Variants in SUMF1 observed in about 807,000 individuals in gnomAD.
The protein encoded by SUMF1 is sulfatase modifying factor 1.
In SUMF1, 48 loss-of-function variants were observed where a neutral mutation model predicts 47.6. That is an observed-to-expected ratio of 1.01 (90% CI 0.80 to 1.28). The LOEUF (loss-of-function observed/expected upper bound fraction) is 1.28. Among genes scored for constraint, SUMF1 ranks in the 50% most tolerant of loss-of-function variants. SUMF1 has a pLI of 0.00. For synonymous variants in SUMF1, 230 were observed against 192.1 expected, an observed-to-expected ratio of 1.20 and a Z score of -1.63; for missense variants, 571 against 485.4, an observed-to-expected ratio of 1.18 and a Z score of -1.66.
At chr3:4,226,440 T>C (rs954260679) in intron 8 of SUMF1, among the ~76,000 whole-genome samples, 2 of 151,766 alleles carry the variant, frequency 1.3e-5, no homozygotes, top group Admixed American at 6.6e-5. Context: ...CAGCTAATTT[T>C]TGTCTTTTTA....
At chr3:4,273,510 CGG>C (rs1697344912) in intron 8 of SUMF1, among the ~76,000 whole-genome samples, 1 of 151,576 alleles carries the variant, frequency 6.6e-6, no homozygotes, top group African/African-American at 2.4e-5. Context: ...AGGCTGAAGG[CGG>C]AAACAGAGGA....
At chr3:4,152,053 T>C (rs982215911) in intron 8 of SUMF1, among the ~76,000 whole-genome samples, 4 of 151,492 alleles carry the variant, frequency 2.6e-5, no homozygotes, top group Non-Finnish European at 5.9e-5. Flanking sequence ...CACATCAATA[T>C]CTAAATAACC....
chr3:4,463,355 T>G (rs1018581589), intron 1 of SUMF1, among the ~76,000 whole-genome samples: 1 of 152,194 alleles, frequency 6.6e-6, no homozygotes, highest in Admixed American at 6.5e-5. Flanking sequence ...CCAGGCGTGG[T>G]GGCAGGTGCC....
Position 4,449,280 on chromosome 3 carries a change from T to C in SUMF1, c.505A>G (p.Asn169Asp). 6.2e-7 allele frequency: 1 copy of C among 1,614,182 alleles called. No individual in the cohort carries two copies. The highest frequency in any genetic ancestry group is 8.5e-7 in the Non-Finnish European group (1 of 1,180,002). ...EGMLSEQVKT[N>D]IQQAVAAAPW... ...ACATTACTTACTGCCTGTTGAATAT[T>C]GGTCTTCACTTGCTCACTCAACATG... The change falls in exon 3 of 9, where the codon AAT becomes GAT. Residue 169 changes from asparagine (N) to aspartate (D), a missense_variant. Coordinates refer to ENST00000272902, the MANE Select transcript of SUMF1 (RefSeq NM_182760.4).
intron 8 of SUMF1, among the ~76,000 whole-genome samples, chr3:4,081,359 G>T (rs1271294430): frequency 1.3e-5 from 2 of 151,672 alleles, no homozygotes; most frequent in East Asian, 3.8e-4. Flanking sequence ...TACTCAGATG[G>T]GCTTCCTGAG....
chr3:4,354,654 T>A (rs1408037711), intron 8 of SUMF1, among the ~76,000 whole-genome samples: 1 of 152,008 alleles, frequency 6.6e-6, no homozygotes, highest in African/African-American at 2.4e-5. Context: ...GATATGGGGG[T>A]CAAGGTTAAG....
At chr3:4,315,954 C>T (rs1195204307) in intron 8 of SUMF1, among the ~76,000 whole-genome samples, 3 of 146,868 alleles carry the variant, frequency 2.0e-5, no homozygotes, top group Admixed American at 1.4e-4. Context: ...GGCTGAGGTA[C>T]GAGAATCACT....
intron 8 of SUMF1, among the ~76,000 whole-genome samples, chr3:4,118,709 A>C (rs921811989): frequency 6.6e-6 from 1 of 152,104 alleles, no homozygotes; most frequent in Non-Finnish European, 1.5e-5. Context: ...ATGCTACTTG[A>C]GAAGTATGTA....
intron 7 of SUMF1, among the ~76,000 whole-genome samples, chr3:4,409,136 G>A (rs1425971378): frequency 6.6e-6 from 1 of 152,122 alleles, no homozygotes; most frequent in Non-Finnish European, 1.5e-5. Flanking sequence ...AGGGAAGGCA[G>A]GGAGCCCTCT....
intron 8 of SUMF1, among the ~76,000 whole-genome samples, chr3:4,333,262 C>T (rs9941985): frequency 0.05 from 7,676 of 152,300 alleles, 664 homozygotes; most frequent in African/African-American, 0.17. Context: ...AAAGAGCACA[C>T]TGTAACATAT....
At chr3:4,265,396 T>A (rs954428492) in intron 8 of SUMF1, among the ~76,000 whole-genome samples, 11 of 152,162 alleles carry the variant, frequency 7.2e-5, no homozygotes, top group Middle Eastern at 3.2e-3. Flanking sequence ...CAAGTGTGAT[T>A]TGTCCATTTT....
intron 8 of SUMF1, among the ~76,000 whole-genome samples, chr3:4,272,713 A>G (rs760868000): frequency 6.6e-6 from 1 of 152,184 alleles, no homozygotes; most frequent in Non-Finnish European, 1.5e-5. Context: ...CAAAAATCAA[A>G]GGTAATAAAT....
chr3:4,359,159 G>A (rs150594983), downstream of SUMF1, among the ~76,000 whole-genome samples: 25 of 152,292 alleles, frequency 1.6e-4, no homozygotes, highest in East Asian at 4.2e-3. Flanking sequence ...TGGTCTGCTC[G>A]TATGTCACTA....
intron 8 of SUMF1, among the ~76,000 whole-genome samples, chr3:4,315,388 T>C (rs182684025): frequency 1.3e-5 from 2 of 152,174 alleles, no homozygotes; most frequent in Non-Finnish European, 1.5e-5. Flanking sequence ...CCTTTCTATA[T>C]TGAACAGCAG....
chr3:4,446,559 T>G (rs992338793), intron 3 of SUMF1, among the ~76,000 whole-genome samples: 4 of 152,238 alleles, frequency 2.6e-5, no homozygotes, highest in African/African-American at 9.6e-5. Context: ...GATTAGGTAC[T>G]AAGCATCAAC....
At chr3:4,139,657 T>C (rs940070549) in intron 8 of SUMF1, among the ~76,000 whole-genome samples, 2 of 151,684 alleles carry the variant, frequency 1.3e-5, no homozygotes, top group Non-Finnish European at 2.9e-5. Context: ...CGACTGATTT[T>C]AGTGTTATCT....
At chr3:4,043,877 A>T (rs1694956371) in intron 9 of SUMF1, among the ~76,000 whole-genome samples, 1 of 152,062 alleles carries the variant, frequency 6.6e-6, no homozygotes, top group South Asian at 2.1e-4. Context: ...TACCCTATCA[A>T]TTTTGCCCTC....
At chr3:4,254,139 C>CA (rs908818537) in intron 8 of SUMF1, among the ~76,000 whole-genome samples, 32 of 151,016 alleles carry the variant, frequency 2.1e-4, no homozygotes, top group Admixed American at 4.0e-4. Context: ...AGACCAAAAG[C>CA]AAAAAAAACC....
intron 8 of SUMF1, among the ~76,000 whole-genome samples, chr3:4,078,685 G>A (rs564387128): frequency 6.6e-6 from 1 of 151,920 alleles, no homozygotes; most frequent in East Asian, 1.9e-4. Context: ...TTGAGGCCAA[G>A]AGTTCAAGTC....
Sources: gnomAD v4.1 joint callset for allele counts (sites outside exome capture counted in the v4.1 genomes callset) on GRCh38, gnomAD v4.1.1 for gene constraint, MANE v1.5 for transcripts, NCBI Gene and HGNC (gene_info 2026-07-23, HGNC 2026-07-21) for gene names.